The following NPEPPS variants were observed in gnomAD, a reference collection of about 807,000 sequenced individuals.
NPEPPS encodes aminopeptidase puromycin sensitive, also known as puromycin-sensitive aminopeptidase.
Under a neutral mutation model 115.5 loss-of-function variants are expected in NPEPPS, and 14 were observed. That is an observed-to-expected ratio of 0.12 (90% CI 0.08 to 0.19). The LOEUF (loss-of-function observed/expected upper bound fraction) is 0.19. Among genes scored for constraint, NPEPPS ranks in the 10% least tolerant of loss-of-function variants. NPEPPS has a pLI of 1.00. For missense variants in NPEPPS, 523 were observed against 1,110.8 expected (o/e 0.47, Z 7.52); for synonymous variants, 285 against 390.6 (o/e 0.73, Z 3.19).
intron 1 of NPEPPS, among the ~76,000 whole-genome samples, chr17:47,538,926 C>T (rs546688233): frequency 2.0e-5 from 3 of 152,160 alleles, no homozygotes; most frequent in South Asian, 2.1e-4. Flanking sequence ...CAATTTCTTC[C>T]CTCTTGTATT....
chr17:47,597,175 T>C (rs993359642), intron 13 of NPEPPS, among the ~76,000 whole-genome samples: 5 of 151,924 alleles, frequency 3.3e-5, no homozygotes, highest in African/African-American at 1.2e-4. Context: ...ACTTATAATA[T>C]CAATTGTGTA....
At chr17:47,530,044 C>T (rs1288030294), upstream of NPEPPS, among the ~76,000 whole-genome samples, 3 of 147,192 alleles carry the variant, frequency 2.0e-5, no homozygotes, top group Non-Finnish European at 4.5e-5. Context: ...TCAAGCGATT[C>T]TCCTACCTCA....
chr17:47,605,275 C>CT (rs1231395291), intron 16 of NPEPPS, 58 bp from the exon 17 acceptor site: 16 of 1,292,968 alleles, frequency 1.2e-5, no homozygotes, highest in Non-Finnish European at 1.6e-5. Flanking sequence ...AAAATGCATG[C>CT]TTATGTTTTT....
intron 1 of NPEPPS, among the ~76,000 whole-genome samples, chr17:47,537,096 G>A (rs1018514290): frequency 1.3e-5 from 2 of 151,732 alleles, no homozygotes; most frequent in South Asian, 2.1e-4. Context: ...AGGTGGAGGT[G>A]GGAGAATTGC....
In NPEPPS at chr17:47,531,432, G is replaced by T. The variant is rs758214260; in HGVS notation, c.132G>T (p.Ala44=). The change falls in exon 1 of 23, where the codon GCG becomes GCT. Residue 44 remains alanine, a synonymous_variant. Coordinates refer to ENST00000322157, the MANE Select transcript of NPEPPS (RefSeq NM_006310.4). ...RRRLHSLGLA[A]MPEKRPFERL... The stretch of plus-strand genomic sequence containing the variant: ...GCCTCCACAGCCTGGGCCTCGCCGC[G>T]ATGCCGGAGAAGAGGCCCTTCGAGC... 2.6e-5 allele frequency: 40 copies of T among 1,550,108 alleles called. No individual in the cohort carries two copies. Among genetic ancestry groups the T allele is most frequent in the Non-Finnish European group, 3.5e-5 (40 of 1,148,106 alleles).
chr17:47,617,819 T>TA (rs1195567337), intron 19 of NPEPPS, among the ~76,000 whole-genome samples: 1 of 152,208 alleles, frequency 6.6e-6, no homozygotes, highest in Non-Finnish European at 1.5e-5. Flanking sequence ...TGGTAGCATT[T>TA]ACATCTAGTG....
chr17:47,530,608 C>T (rs1351612870), upstream of NPEPPS, among the ~76,000 whole-genome samples: 1 of 152,036 alleles, frequency 6.6e-6, no homozygotes, highest in East Asian at 1.9e-4. Context: ...CCGCCCGCCT[C>T]GGCCTCCCGA....
Position 47,605,362 on chromosome 17 carries a change from G to A in NPEPPS, c.1905G>A (p.Glu635=). The A allele has an allele frequency of 1.9e-6, 3 of 1,610,620 alleles. No individual in the cohort carries two copies. The highest frequency in any genetic ancestry group is 2.5e-6 in the Non-Finnish European group (3 of 1,178,390). Residue 635 remains glutamate (E), a synonymous_variant, in exon 17 of 23, where the codon GAG becomes GAA. Coordinates refer to ENST00000322157, the MANE Select transcript of NPEPPS (RefSeq NM_006310.4). ...GAGCTGGAATCATTAGCACTGTAGA[G>A]GTTCTAAAAGTCATGGAGGCTTTTG... is the stretch of plus-strand genomic sequence containing the variant. ...LARAGIISTV[E]VLKVMEAFVN...
chr17:47,579,633 A>G, intron 4 of NPEPPS, 122 bp downstream of exon 4: 1 of 672,054 alleles, frequency 1.5e-6, no homozygotes, highest in East Asian at 3.0e-5. Context: ...TGTATTCACA[A>G]TTTTAGAATT....
At position 47,613,822 on chromosome 17, in the gene NPEPPS, A is replaced by G. The variant is rs146817374; in HGVS notation, c.2295+97A>G. 2,545 of 856,746 alleles carry G rather than the reference A, an allele frequency of 3.0e-3. 32 individuals are homozygous for G. The highest frequency in any genetic ancestry group is 0.018 in the African/African-American group (1,028 of 58,524). The allele number at this position is 856,746 out of a possible 1,614,324, so 53.1% of individuals were successfully genotyped here. A position where few individuals can be genotyped will look rare whatever the true frequency, so the allele number is the denominator to read the frequency against. On this transcript the variant is annotated intron_variant, in intron 19 of 22. Transcript: ENST00000322157. The stretch of plus-strand genomic sequence containing the variant: ...GTTAAAAAAAAAGACAGTCCTAGAA[A>G]AGAAAGATGCATATTGTAGACATGC...
In NPEPPS at chr17:47,545,920, G is replaced by A. The variant is rs761067052; in HGVS notation, c.267G>A (p.Ala89=). 1.3e-5 allele frequency: 20 copies of A among 1,557,090 alleles called. No individual in the cohort carries two copies. In the East Asian group the frequency reaches 1.9e-4, roughly 15 times the overall value. ...CCTTTTCCCCTTAGGTGAGGCAGGC[G>A]ACTAATCAGATTGTGATGAATTGTG... ...KLEAAAQVRQ[A]TNQIVMNCAD... Residue 89 remains alanine (A), a synonymous_variant, in exon 2 of 23, where the codon GCG becomes GCA. Transcript: ENST00000322157.
At chr17:47,610,286 A>G (rs1357740131) in intron 17 of NPEPPS, among the ~76,000 whole-genome samples, 1 of 151,724 alleles carries the variant, frequency 6.6e-6, no homozygotes, top group Non-Finnish European at 1.5e-5. Context: ...TCATGTACAT[A>G]GAATCACAAA....
intron 1 of NPEPPS, among the ~76,000 whole-genome samples, chr17:47,540,395 T>G (rs572695721): frequency 6.6e-6 from 1 of 152,286 alleles, no homozygotes; most frequent in East Asian, 1.9e-4. Flanking sequence ...TATTACCTGT[T>G]TTTTTGATAG....
At chr17:47,556,269 G>A (rs1910026285) in intron 2 of NPEPPS, among the ~76,000 whole-genome samples, 1 of 151,022 alleles carries the variant, frequency 6.6e-6, no homozygotes, top group South Asian at 2.1e-4. Flanking sequence ...TTGAGATTAG[G>A]GAGTGGTGAT....
chr17:47,603,131 G>A (rs543803206), intron 15 of NPEPPS, among the ~76,000 whole-genome samples: 10 of 152,258 alleles, frequency 6.6e-5, no homozygotes, highest in African/African-American at 1.7e-4. Flanking sequence ...AGAGAATAAT[G>A]CAGTTGCCAG....
intron 1 of NPEPPS, among the ~76,000 whole-genome samples, chr17:47,533,429 G>C (rs1297990368): frequency 6.6e-6 from 1 of 151,864 alleles, no homozygotes; most frequent in African/African-American, 2.4e-5. Context: ...AAACAGTAGT[G>C]TGTCTTGTGA....
intron 1 of NPEPPS, among the ~76,000 whole-genome samples, chr17:47,537,592 C>G (rs1908393782): frequency 6.6e-6 from 1 of 151,892 alleles, no homozygotes; most frequent in African/African-American, 2.4e-5. Flanking sequence ...ACTCGGGAAG[C>G]TGAGACAGGA....
chr17:47,544,766 T>C (rs1402288776), intron 1 of NPEPPS, among the ~76,000 whole-genome samples: 1 of 138,302 alleles, frequency 7.2e-6, no homozygotes, highest in African/African-American at 2.7e-5. Context: ...CAGGCTGCAG[T>C]GCAATGGTGC....
intron 2 of NPEPPS, among the ~76,000 whole-genome samples, chr17:47,550,847 G>A (rs936030132): frequency 6.6e-6 from 1 of 151,706 alleles, no homozygotes; most frequent in East Asian, 1.9e-4. Flanking sequence ...GCCTGGTCTC[G>A]AACTCGAGAC....
Sources: gnomAD v4.1 joint callset for allele counts (sites outside exome capture counted in the v4.1 genomes callset) on GRCh38, gnomAD v4.1.1 for gene constraint, MANE v1.5 for transcripts, NCBI Gene and HGNC (gene_info 2026-07-23, HGNC 2026-07-21) for gene names.